The following BFAR variants were observed in gnomAD, a reference collection of about 807,000 sequenced individuals.
BFAR encodes the protein RING finger protein 47.
BFAR carries 52 observed loss-of-function variants against 54.4 expected under a neutral mutation model. The ratio of observed to expected loss-of-function variants is 0.96; its 90% CI spans 0.77 to 1.21. The LOEUF (loss-of-function observed/expected upper bound fraction) is 1.21. BFAR is among the 50% of genes most tolerant of loss of function. BFAR has a pLI of 0.00. For synonymous variants in BFAR, 215 were observed against 204.3 expected, an observed-to-expected ratio of 1.05 and a Z score of -0.45; for missense variants, 571 against 534.0, an observed-to-expected ratio of 1.07 and a Z score of -0.68.
intron 1 of BFAR, among the ~76,000 whole-genome samples, chr16:14,641,978 C>T (rs1320909055): frequency 1.3e-5 from 2 of 152,242 alleles, no homozygotes; most frequent in Non-Finnish European, 2.9e-5. Flanking sequence ...AAAACTCCCA[C>T]TATGGTTAAG....
intron 2 of BFAR, among the ~76,000 whole-genome samples, chr16:14,644,870 T>C (rs1299979930): frequency 2.6e-5 from 4 of 152,102 alleles, no homozygotes; most frequent in African/African-American, 9.7e-5. Context: ...GCCCACCTCC[T>C]TGGGGGTGGA....
intron 2 of BFAR, among the ~76,000 whole-genome samples, chr16:14,645,116 G>A (rs532261228): frequency 1.3e-5 from 2 of 152,232 alleles, no homozygotes; most frequent in South Asian, 4.1e-4. Flanking sequence ...GAATTTAGAA[G>A]CATCCTGGGC....
chr16:14,652,907 G>A (rs1454428173), intron 4 of BFAR, among the ~76,000 whole-genome samples: 2 of 152,024 alleles, frequency 1.3e-5, no homozygotes, highest in African/African-American at 4.8e-5. Flanking sequence ...CCACTGCCTG[G>A]CTGCCTGACT....
chr16:14,636,807 G>C (rs1415836985), intron 1 of BFAR, among the ~76,000 whole-genome samples: 1 of 152,208 alleles, frequency 6.6e-6, no homozygotes, highest in Non-Finnish European at 1.5e-5. Flanking sequence ...GTCCCTGCGG[G>C]CTTCCGCAGT....
intron 7 of BFAR, 95 bp downstream of exon 7, chr16:14,665,166 C>G: frequency 8.3e-7 from 1 of 1,209,574 alleles, no homozygotes; most frequent in Non-Finnish European, 1.2e-6. Context: ...TGAAATAAAT[C>G]CTCCATCCAC....
At chr16:14,639,154 TC>T in intron 1 of BFAR, among the ~76,000 whole-genome samples, 1 of 152,062 alleles carries the variant, frequency 6.6e-6, no homozygotes, top group Admixed American at 6.5e-5. Context: ...AAAAACAAGT[TC>T]CTTTGTAGAG....
intron 1 of BFAR, among the ~76,000 whole-genome samples, chr16:14,642,103 CTG>C (rs910098668): frequency 1.6e-4 from 25 of 152,226 alleles, no homozygotes; most frequent in African/African-American, 6.0e-4. Flanking sequence ...TTCCTAACCA[CTG>C]TGCCTCCAGA....
At chr16:14,656,626 T>C (rs978604675) in intron 5 of BFAR, among the ~76,000 whole-genome samples, 8 of 152,142 alleles carry the variant, frequency 5.3e-5, no homozygotes, top group Non-Finnish European at 1.2e-4. Context: ...TAGAGGGTCA[T>C]TGTGAGACTC....
At chr16:14,645,696 A>G (rs892459086) in intron 2 of BFAR, among the ~76,000 whole-genome samples, 12 of 152,224 alleles carry the variant, frequency 7.9e-5, no homozygotes, top group Non-Finnish European at 7.3e-5. Flanking sequence ...GTTAAATTTA[A>G]TCTTAAATTA....
intron 1 of BFAR, among the ~76,000 whole-genome samples, chr16:14,633,971 A>G (rs1959350602): frequency 6.6e-6 from 1 of 152,130 alleles, no homozygotes; most frequent in Admixed American, 6.5e-5. Context: ...TCTTTTATTA[A>G]AAAAGCCGGC....
chr16:14,661,153 C>T (rs2151843771), intron 5 of BFAR, among the ~76,000 whole-genome samples: 1 of 152,284 alleles, frequency 6.6e-6, no homozygotes, highest in Non-Finnish European at 1.5e-5. Flanking sequence ...TCTGCTGTAA[C>T]TGTAGATTTC....
intron 6 of BFAR, 57 bp from the exon 7 acceptor site, chr16:14,664,812 T>C (rs909549768): frequency 6.6e-7 from 1 of 1,511,878 alleles, no homozygotes; most frequent in Non-Finnish European, 9.2e-7. Context: ...ATCATCACAA[T>C]ATTTTGTGTA....
At chr16:14,641,281 G>T (rs1425335291) in intron 1 of BFAR, among the ~76,000 whole-genome samples, 1 of 152,172 alleles carries the variant, frequency 6.6e-6, no homozygotes, top group Non-Finnish European at 1.5e-5. Context: ...CTTCAAGATG[G>T]AGAAAACAGT....
chr16:14,661,695 T>C (rs1960292210), intron 5 of BFAR, among the ~76,000 whole-genome samples, 197 bp from the exon 6 acceptor site: 1 of 152,184 alleles, frequency 6.6e-6, no homozygotes, highest in Non-Finnish European at 1.5e-5. Flanking sequence ...TGAGCCACCA[T>C]GCTCCGCCAA....
At chr16:14,638,812 CT>C (rs1959532799) in intron 1 of BFAR, among the ~76,000 whole-genome samples, 1 of 151,914 alleles carries the variant, frequency 6.6e-6, no homozygotes, top group South Asian at 2.1e-4. Context: ...AGGCATGGTG[CT>C]GGGCGCCTGT....
chr16:14,660,229 A>T (rs899894215), intron 5 of BFAR, among the ~76,000 whole-genome samples: 1 of 152,152 alleles, frequency 6.6e-6, no homozygotes, highest in Admixed American at 6.6e-5. Context: ...TGCCATCCTT[A>T]TATCTTCTGT....
intron 4 of BFAR, chr16:14,650,660 G>T (rs1041326710): frequency 3.3e-5 from 5 of 152,160 alleles, no homozygotes; most frequent in African/African-American, 7.2e-5. Context: ...GACATAACAT[G>T]TATCAGTACT....
chr16:14,667,484 G>A, intron 7 of BFAR, 151 bp from the exon 8 acceptor site: 1 of 702,218 alleles, frequency 1.4e-6, no homozygotes, highest in Non-Finnish European at 2.4e-6. Context: ...GGTTGAGTAG[G>A]CAGAGGTCTC....
chr16:14,640,904 C>T (rs933309593), intron 1 of BFAR, among the ~76,000 whole-genome samples: 2 of 152,212 alleles, frequency 1.3e-5, no homozygotes, highest in Non-Finnish European at 2.9e-5. Context: ...CTTCCCGAGG[C>T]ATCTCTCCAG....
Sources: gnomAD v4.1 joint callset for allele counts (sites outside exome capture counted in the v4.1 genomes callset) on GRCh38, gnomAD v4.1.1 for gene constraint, MANE v1.5 for transcripts, NCBI Gene and HGNC (gene_info 2026-07-23, HGNC 2026-07-21) for gene names.